FAM81A: variants seen among roughly 807,000 people sequenced by gnomAD.
FAM81A encodes protein FAM81A.
In FAM81A, 19 loss-of-function variants were observed where a neutral mutation model predicts 46.7. The ratio of observed to expected loss-of-function variants is 0.41; its 90% CI spans 0.28 to 0.60. The LOEUF (loss-of-function observed/expected upper bound fraction) is 0.60. FAM81A is among the 20% of genes least tolerant of loss of function. FAM81A has a pLI of 0.34. For missense variants in FAM81A, 377 were observed against 453.5 expected (o/e 0.83, Z 1.53); for synonymous variants, 183 against 152.9 (o/e 1.20, Z -1.45).
chr15:59,463,805 G>C (rs1045742267), intron 3 of FAM81A, among the ~76,000 whole-genome samples: 2 of 151,894 alleles, frequency 1.3e-5, no homozygotes, highest in South Asian at 4.2e-4. Flanking sequence ...TATTAATTTT[G>C]TCAGTTTTTT....
chr15:59,476,185 C>A (rs983449002), intron 3 of FAM81A, among the ~76,000 whole-genome samples: 2 of 152,082 alleles, frequency 1.3e-5, no homozygotes, highest in Non-Finnish European at 1.5e-5. Flanking sequence ...GGCCCCACCT[C>A]CTAATACCAT....
At chr15:59,501,907 G>C (rs567802619) in intron 4 of FAM81A, among the ~76,000 whole-genome samples, 4 of 152,192 alleles carry the variant, frequency 2.6e-5, no homozygotes, top group African/African-American at 9.6e-5. Context: ...AGAGCCCTGA[G>C]GCTGTCTTTT....
intron 2 of FAM81A, chr15:59,408,238 C>T (rs1378044354): frequency 6.6e-6 from 1 of 152,254 alleles, no homozygotes; most frequent in Non-Finnish European, 1.5e-5. Context: ...CTAGGCACTA[C>T]CAGGCTGATA....
At chr15:59,453,159 T>G (rs1225634590) in intron 1 of FAM81A, among the ~76,000 whole-genome samples, 7 of 152,208 alleles carry the variant, frequency 4.6e-5, no homozygotes, top group Non-Finnish European at 7.3e-5. Flanking sequence ...TACTGGAAGC[T>G]TATCCAGTGT....
chr15:59,487,504 A>C (rs2081932132), intron 3 of FAM81A, among the ~76,000 whole-genome samples: 2 of 151,806 alleles, frequency 1.3e-5, no homozygotes, highest in Non-Finnish European at 2.9e-5. Flanking sequence ...CAAATTGACA[A>C]ACTTTAGCTA....
At chr15:59,493,054 T>G (rs1226178876) in intron 4 of FAM81A, among the ~76,000 whole-genome samples, 1 of 152,212 alleles carries the variant, frequency 6.6e-6, no homozygotes, top group East Asian at 1.9e-4. Context: ...TTTATGGGCC[T>G]CTTCTGCCCT....
intron 4 of FAM81A, among the ~76,000 whole-genome samples, chr15:59,506,077 G>T (rs573599213): frequency 6.6e-6 from 1 of 152,270 alleles, no homozygotes; most frequent in South Asian, 2.1e-4. Flanking sequence ...GTGACCATCT[G>T]TAAGCCAGGC....
intron 3 of FAM81A, among the ~76,000 whole-genome samples, chr15:59,468,125 G>A (rs564832667): frequency 6.6e-6 from 1 of 152,064 alleles, no homozygotes; most frequent in African/African-American, 2.4e-5. Flanking sequence ...ATTTTATTGA[G>A]GATTTTCACA....
intron 7 of FAM81A, among the ~76,000 whole-genome samples, chr15:59,516,104 T>G (rs1336559808): frequency 6.6e-6 from 1 of 152,054 alleles, no homozygotes; most frequent in African/African-American, 2.4e-5. Context: ...ACACTTGTAC[T>G]TACATCTCAT....
intron 2 of FAM81A, among the ~76,000 whole-genome samples, chr15:59,418,138 C>G (rs573426786): frequency 7.2e-5 from 11 of 152,124 alleles, no homozygotes; most frequent in African/African-American, 2.4e-4. Flanking sequence ...CTAACTTTGT[C>G]GGGAAGACAA....
intron 2 of FAM81A, among the ~76,000 whole-genome samples, chr15:59,423,788 C>T (rs1406521654): frequency 1.3e-5 from 2 of 152,200 alleles, no homozygotes; most frequent in African/African-American, 4.8e-5. Flanking sequence ...TAATTACTCA[C>T]GGGTCAGGAT....
intron 2 of FAM81A, chr15:59,407,879 A>G: frequency 5.0e-6 from 1 of 199,504 alleles, no homozygotes; most frequent in Non-Finnish European, 1.0e-5. Context: ...ACAGTTGAGT[A>G]GCTCTTTGGG....
chr15:59,502,514 T>TGC lies in FAM81A; in HGVS notation c.414-4698_414-4697insCG, dbSNP rs750629946. 4.0e-3 allele frequency among the ~76,000 whole-genome samples: 604 copies of TGC among 150,884 alleles called. 7 individuals are homozygous for TGC. Among genetic ancestry groups the TGC allele is most frequent in the South Asian group, 0.012 (57 of 4,774 alleles). ...GTGTGTGTGTGTGTGTGTGTGTGTG[T>TGC]GTGTGTGTGTGTGTTTTGAGACAGA... On this transcript the variant is annotated intron_variant, in intron 4 of 8. Coordinates refer to ENST00000288228, the MANE Select transcript of FAM81A (RefSeq NM_152450.3).
chr15:59,456,620 G>C (rs1335381176), intron 1 of FAM81A, among the ~76,000 whole-genome samples: 1 of 152,088 alleles, frequency 6.6e-6, no homozygotes, highest in Non-Finnish European at 1.5e-5. Flanking sequence ...CTATTGCCCA[G>C]GCTGGAGTGC....
At chr15:59,482,428 C>T (rs1336824054) in intron 3 of FAM81A, among the ~76,000 whole-genome samples, 13 of 152,164 alleles carry the variant, frequency 8.5e-5, no homozygotes, top group African/African-American at 3.1e-4. Flanking sequence ...GCCACCATGC[C>T]TGGCTAATTT....
At chr15:59,441,822 C>T (rs938020484) in intron 1 of FAM81A, among the ~76,000 whole-genome samples, 3 of 152,200 alleles carry the variant, frequency 2.0e-5, no homozygotes, top group African/African-American at 7.2e-5. Flanking sequence ...GCTGTGAGAT[C>T]CTGTCCTTGG....
chr15:59,463,951 T>G (rs2081582821), intron 3 of FAM81A, among the ~76,000 whole-genome samples: 1 of 152,158 alleles, frequency 6.6e-6, no homozygotes, highest in Admixed American at 6.6e-5. Context: ...TTTAACAAGT[T>G]GCTATATCTC....
chr15:59,507,446 A>T, intron 5 of FAM81A, 104 bp downstream of exon 5: 1 of 1,434,590 alleles, frequency 7.0e-7, no homozygotes, highest in Non-Finnish European at 9.4e-7. Flanking sequence ...TGGGGCATCT[A>T]GCATGGGTTT....
chr15:59,458,838 A>G (rs555216408), intron 2 of FAM81A, among the ~76,000 whole-genome samples, 192 bp downstream of exon 2: 81 of 152,248 alleles, frequency 5.3e-4, no homozygotes, highest in Non-Finnish European at 1.0e-3. Flanking sequence ...GAGATTTCAC[A>G]GTAGTCCTAC....
Sources: allele counts gnomAD v4.1 joint callset (sites outside exome capture counted in the v4.1 genomes callset), GRCh38; gene constraint gnomAD v4.1.1; transcripts MANE v1.5; gene names NCBI Gene and HGNC (gene_info 2026-07-23, HGNC 2026-07-21).